The following SYT14 variants were observed in gnomAD, a reference collection of about 807,000 sequenced individuals.
SYT14 encodes the protein synaptotagmin 14, also known as synaptotagmin-14.
In SYT14, 32 loss-of-function variants were observed where a neutral mutation model predicts 74.2. The observed-to-expected ratio is 0.43, with a 90% CI of 0.33 to 0.58. The LOEUF (loss-of-function observed/expected upper bound fraction) is 0.58. Ranked by LOEUF, SYT14 falls within the 20% of genes least tolerant of loss-of-function variation. The probability of loss-of-function intolerance (pLI) is 0.05; values close to 1 mark genes in which losing one functional copy is unlikely to be tolerated. For missense variants in SYT14, 791 were observed against 981.8 expected (o/e 0.81, Z 2.60); for synonymous variants, 298 against 337.7 (o/e 0.88, Z 1.29).
exon 10 of SYT14, chr1:210,164,878 T>G (rs2083439749): frequency 6.6e-6 from 1 of 152,186 alleles, no homozygotes; most frequent in Non-Finnish European, 1.5e-5. Context: ...AAGGTAGCTG[T>G]CAGTATTATT....
At chr1:210,107,532 G>A (rs1416669641) in intron 7 of SYT14, among the ~76,000 whole-genome samples, 3 of 151,932 alleles carry the variant, frequency 2.0e-5, no homozygotes, top group African/African-American at 7.3e-5. Context: ...TTTTTTAACT[G>A]GAAGGCAGAC....
chr1:210,151,416 C>T (rs969846613), intron 7 of SYT14, among the ~76,000 whole-genome samples: 2 of 151,556 alleles, frequency 1.3e-5, no homozygotes, highest in Non-Finnish European at 1.5e-5. Context: ...AGACAGATCT[C>T]GCTATGTTGC....
exon 10 of SYT14, chr1:210,164,962 C>A (rs1054888282): frequency 6.6e-6 from 1 of 152,128 alleles, no homozygotes; most frequent in Non-Finnish European, 1.5e-5. Flanking sequence ...AATTTTAAAA[C>A]ATTGTCTCTG....
At chr1:210,083,575 T>A (rs1005902520) in intron 5 of SYT14, among the ~76,000 whole-genome samples, 1 of 133,476 alleles carries the variant, frequency 7.5e-6, no homozygotes, top group East Asian at 2.0e-4. Context: ...TAATTTTCAA[T>A]TTTTTTTTTT....
At chr1:210,167,524 T>A (rs1364424149) in exon 10 of SYT14, 1 of 152,244 alleles carries the variant, frequency 6.6e-6, no homozygotes, top group Non-Finnish European at 1.5e-5. Context: ...TCTTCTCTGA[T>A]GTAATATTTT....
chr1:209,970,662 CTTTTTTTTTTTTTTTTTTTTTTT>C (rs35639848), intron 2 of SYT14, among the ~76,000 whole-genome samples: 42 of 62,808 alleles, frequency 6.7e-4, no homozygotes, highest in Admixed American at 1.6e-3. Flanking sequence ...GGCAGTATGG[CTTTTTTTTTTTTTTTTTTTTTTT>C]TTTTTTTTTT....
chr1:209,963,794 A>G (rs2079112659), intron 2 of SYT14, among the ~76,000 whole-genome samples: 1 of 152,226 alleles, frequency 6.6e-6, no homozygotes, highest in African/African-American at 2.4e-5. Flanking sequence ...TTGGTTGTTC[A>G]CATCAGTGCA....
intron 5 of SYT14, among the ~76,000 whole-genome samples, chr1:210,064,069 T>A (rs2081254067): frequency 6.6e-6 from 1 of 152,030 alleles, no homozygotes; most frequent in Non-Finnish European, 1.5e-5. Flanking sequence ...ATTTTTTCTA[T>A]TTAGTTTTTC....
chr1:209,976,008 T>A (rs950575174), intron 2 of SYT14, among the ~76,000 whole-genome samples: 8 of 152,352 alleles, frequency 5.3e-5, no homozygotes, highest in African/African-American at 1.9e-4. Context: ...TTTATAGTAT[T>A]CTCTGATGGT....
At chr1:210,087,552 C>T (rs1037552599) in intron 5 of SYT14, among the ~76,000 whole-genome samples, 2 of 152,132 alleles carry the variant, frequency 1.3e-5, no homozygotes, top group African/African-American at 4.8e-5. Flanking sequence ...GGCTCTGACT[C>T]CCCTCACTGG....
chr1:209,954,400 CT>C (rs1193071026), intron 2 of SYT14, among the ~76,000 whole-genome samples: 1 of 151,966 alleles, frequency 6.6e-6, no homozygotes, highest in Admixed American at 6.6e-5. Flanking sequence ...ATTAGTCTAG[CT>C]TTTTTGCTGT....
intron 8 of SYT14, among the ~76,000 whole-genome samples, chr1:210,158,111 AATT>A (rs1262555066): frequency 3.3e-5 from 5 of 152,210 alleles, no homozygotes; most frequent in Non-Finnish European, 7.3e-5. Flanking sequence ...AGAAGGATGG[AATT>A]ATTATTGTTC....
rs556295378 is a variant in SYT14, at chr1:210,126,357, A to T, written c.2034+25896A>T. 9.2e-5 allele frequency among the ~76,000 whole-genome samples: 14 copies of T among 151,980 alleles called. No individual in the cohort carries two copies. In the South Asian group the frequency reaches 2.9e-3, roughly 32 times the overall value. On this transcript the variant is annotated intron_variant, in intron 7 of 9. Coordinates refer to ENST00000637265, the Ensembl canonical transcript of SYT14. The stretch of plus-strand genomic sequence containing the variant: ...TTAATTTATGGCCAAAAAAAAAAAA[A>T]TGCATAGAAAGGTTAACTGAATTGC...
Position 210,155,933 on chromosome 1 carries a change from A to G in SYT14, c.2224+23A>G, listed in dbSNP as rs774175413. On this transcript the variant is annotated intron_variant, in intron 8 of 9. Transcript: ENST00000637265. ...CCAGTGAGTGAAAAATAATTTTTTT[A>G]ATTCTAATGTTTTCTGCACTTTTGG... 4 of 1,611,718 alleles carry G rather than the reference A, an allele frequency of 2.5e-6. No individual in the cohort carries two copies. The South Asian group carries it at 4.4e-5, about 18-fold the overall frequency.
chr1:210,151,358 C>T (rs1430911254), intron 7 of SYT14, among the ~76,000 whole-genome samples: 1 of 152,056 alleles, frequency 6.6e-6, no homozygotes. Flanking sequence ...GGAAAGCTGC[C>T]ATTTGGGCAG....
At chr1:210,151,189 GTTATGA>G (rs1453516438) in intron 7 of SYT14, among the ~76,000 whole-genome samples, 9 of 152,276 alleles carry the variant, frequency 5.9e-5, no homozygotes, top group African/African-American at 2.2e-4. Context: ...AGTAGACCTA[GTTATGA>G]TTGGAATTTG....
chr1:210,166,715 G>T (rs904970149), exon 10 of SYT14: 2 of 152,132 alleles, frequency 1.3e-5, no homozygotes, highest in African/African-American at 4.8e-5. Flanking sequence ...ACTTCATTTG[G>T]CCTGGAAGGG....
intron 2 of SYT14, among the ~76,000 whole-genome samples, chr1:209,979,730 T>C (rs1002568858): frequency 3.9e-5 from 6 of 152,210 alleles, no homozygotes; most frequent in African/African-American, 1.4e-4. Context: ...CTGGGTTTGT[T>C]TGCTGAGGAT....
chr1:210,089,157 G>C (rs1177862238), intron 5 of SYT14, among the ~76,000 whole-genome samples: 4 of 151,918 alleles, frequency 2.6e-5, no homozygotes, highest in Admixed American at 2.6e-4. Flanking sequence ...GTGTTAGTTT[G>C]CTGAGAATAA....
Sources: allele counts gnomAD v4.1 joint callset (sites outside exome capture counted in the v4.1 genomes callset), GRCh38; gene constraint gnomAD v4.1.1; transcripts MANE v1.5; gene names NCBI Gene and HGNC (gene_info 2026-07-23, HGNC 2026-07-21).